ERBB4: variants seen among roughly 807,000 people sequenced by gnomAD.
The protein encoded by ERBB4 is erb-b2 receptor tyrosine kinase 4, also known as receptor tyrosine-protein kinase erbB-4.
A neutral mutation model predicts 158.0 loss-of-function variants in ERBB4; 42 were observed. That is an observed-to-expected ratio of 0.27 (90% confidence interval 0.21 to 0.34). The LOEUF is 0.34. Among genes scored for constraint, ERBB4 ranks in the 10% least tolerant of loss-of-function variants. The pLI is 1.00. For synonymous variants in ERBB4, 583 were observed against 558.7 expected, an observed-to-expected ratio of 1.04 and a Z score of -0.61; for missense variants, 1,333 against 1,624.1, an observed-to-expected ratio of 0.82 and a Z score of 3.08.
chr2:212,192,017 ATATGT>A (rs1422968122), intron 1 of ERBB4, among the ~76,000 whole-genome samples: 1 of 21,216 alleles, frequency 4.7e-5, no homozygotes, highest in Non-Finnish European at 1.2e-4. Context: ...AATATATGTT[ATATGT>A]TATATATGTT....
At chr2:211,912,616 A>G (rs771032097) in intron 3 of ERBB4, among the ~76,000 whole-genome samples, 2 of 152,212 alleles carry the variant, frequency 1.3e-5, no homozygotes, top group Non-Finnish European at 2.9e-5. Flanking sequence ...ATTGAGATAT[A>G]CTAATGAAGA....
chr2:211,428,627 T>TA (rs2063686103), intron 21 of ERBB4, 144 bp from the exon 22 acceptor site: 2 of 467,886 alleles, frequency 4.3e-6, no homozygotes, highest in African/African-American at 4.0e-5. Flanking sequence ...TATAAATATA[T>TA]GTTAATTTAT....
At chr2:212,484,931 G>A (rs932996554) in intron 1 of ERBB4, among the ~76,000 whole-genome samples, 3 of 152,240 alleles carry the variant, frequency 2.0e-5, no homozygotes, top group African/African-American at 2.4e-5. Context: ...AACATGACTC[G>A]TTGGACCAAA....
intron 20 of ERBB4, among the ~76,000 whole-genome samples, chr2:211,498,354 T>C (rs1316871037): frequency 6.6e-6 from 1 of 152,132 alleles, no homozygotes; most frequent in African/African-American, 2.4e-5. Context: ...CTTGTTTATT[T>C]CTCTGTCATT....
chr2:212,005,444 A>G (rs1483878016), intron 2 of ERBB4, among the ~76,000 whole-genome samples: 1 of 152,208 alleles, frequency 6.6e-6, no homozygotes, highest in Non-Finnish European at 1.5e-5. Context: ...AAAGGAAATT[A>G]CAATATGATG....
chr2:212,159,844 T>G (rs2081152164), intron 1 of ERBB4, among the ~76,000 whole-genome samples: 2 of 152,034 alleles, frequency 1.3e-5, no homozygotes, highest in Admixed American at 1.3e-4. Flanking sequence ...AGAGCCAAAC[T>G]TATCATTAAA....
intron 20 of ERBB4, among the ~76,000 whole-genome samples, chr2:211,533,035 A>ATATATG (rs2066543718): frequency 6.6e-6 from 1 of 151,246 alleles, no homozygotes; most frequent in South Asian, 2.1e-4. Flanking sequence ...TATAAATAAT[A>ATATATG]AAGTGGTTGC....
intron 23 of ERBB4, among the ~76,000 whole-genome samples, chr2:211,423,376 A>AGTTT (rs1390816452): frequency 1.3e-5 from 2 of 151,866 alleles, no homozygotes; most frequent in African/African-American, 4.8e-5. Context: ...CACCTTCACA[A>AGTTT]GTTTGTTTCT....
chr2:212,281,675 C>T (rs2085764415), intron 1 of ERBB4, among the ~76,000 whole-genome samples: 1 of 151,798 alleles, frequency 6.6e-6, no homozygotes, highest in Non-Finnish European at 1.5e-5. Context: ...GCATTGAAAG[C>T]CTTGAAGTCT....
At position 211,640,164 on chromosome 2, in the gene ERBB4, T is replaced by A. The variant is rs550116448; in HGVS notation, c.1947-9570A>T. ...GTTTTATACTGAAAGAAGATTTTTT[T>A]AAAAATAAAATGCTAACAAAGAGGG... On this transcript the variant is annotated intron_variant, in intron 16 of 27. Transcript: ENST00000342788. Among the ~76,000 whole-genome samples the A allele has an allele frequency of 8.3e-4, 127 of 152,300 alleles. No individual in the cohort carries two copies. The Middle Eastern group carries it at 0.014, about 16-fold the overall frequency.
intron 1 of ERBB4, among the ~76,000 whole-genome samples, chr2:212,135,852 G>C (rs141653037): frequency 6.6e-6 from 1 of 152,116 alleles, no homozygotes; most frequent in Non-Finnish European, 1.5e-5. Flanking sequence ...ACTCATCAAG[G>C]CTTGCCAAAT....
chr2:212,081,528 T>C (rs912924890), intron 2 of ERBB4, among the ~76,000 whole-genome samples: 2 of 152,110 alleles, frequency 1.3e-5, no homozygotes, highest in Non-Finnish European at 2.9e-5. Flanking sequence ...TTTTGCCTTC[T>C]GAGTGGTGCT....
rs943279571 is a variant in ERBB4, at chr2:211,388,111, G to A, written c.3136-119C>T. 23 of 774,196 alleles carry A rather than the reference G, an allele frequency of 3.0e-5. No homozygotes were observed. In the South Asian group the frequency reaches 3.3e-4, roughly 11 times the overall value. 48.0% of individuals were successfully genotyped at this position (774,196 alleles called of 1,614,324 possible). On this transcript the variant is annotated intron_variant, in intron 25 of 27. Transcript: ENST00000342788. ...TCGTATGAACCAAAGGGGAAAAAGT[G>A]CACAACAGTGAAGCTTCCTAAGCAG...
chr2:211,613,960 T>C (rs2069292479), intron 19 of ERBB4, among the ~76,000 whole-genome samples: 1 of 152,006 alleles, frequency 6.6e-6, no homozygotes, highest in Admixed American at 6.6e-5. Context: ...CAAAGAGATA[T>C]CTGCACTCCT....
intron 14 of ERBB4, among the ~76,000 whole-genome samples, chr2:211,670,141 C>A (rs2071783134): frequency 6.6e-6 from 1 of 152,168 alleles, no homozygotes; most frequent in African/African-American, 2.4e-5. Flanking sequence ...TCTTGGATAT[C>A]TTAAATGATA....
chr2:212,493,383 T>C (rs751105432), intron 1 of ERBB4, among the ~76,000 whole-genome samples: 8 of 151,470 alleles, frequency 5.3e-5, no homozygotes, highest in Admixed American at 2.0e-4. Context: ...ATTAACATCA[T>C]CAAGTATTTT....
intron 9 of ERBB4, 56 bp from the exon 10 acceptor site, chr2:211,705,447 TATG>T: frequency 9.1e-7 from 1 of 1,104,630 alleles, no homozygotes; most frequent in South Asian, 1.2e-5. Context: ...GGATTGAAAA[TATG>T]AGAAATGTGA....
chr2:211,961,207 G>T (rs1232829606), intron 2 of ERBB4, among the ~76,000 whole-genome samples: 2 of 147,882 alleles, frequency 1.4e-5, no homozygotes, highest in Non-Finnish European at 2.9e-5. Context: ...GTTCTGCATT[G>T]TTCCTGCATT....
intron 1 of ERBB4, among the ~76,000 whole-genome samples, chr2:212,195,584 A>G (rs1212606614): frequency 6.6e-6 from 1 of 152,086 alleles, no homozygotes; most frequent in African/African-American, 2.4e-5. Flanking sequence ...AGAGGTGGTT[A>G]GAGTACGTAA....
Sources: gnomAD v4.1 joint callset for allele counts (sites outside exome capture counted in the v4.1 genomes callset) on GRCh38, gnomAD v4.1.1 for gene constraint, MANE v1.5 for transcripts, NCBI Gene and HGNC (gene_info 2026-07-23, HGNC 2026-07-21) for gene names.